The following DCK variants were observed in gnomAD, a reference collection of about 807,000 sequenced individuals.
DCK encodes the protein deoxyadenosine kinase.
DCK carries 23 observed loss-of-function variants against 38.3 expected under a neutral mutation model. The ratio of observed to expected loss-of-function variants is 0.60; its 90% CI spans 0.43 to 0.85. DCK has a LOEUF of 0.85. Ranked by LOEUF, DCK falls within the 40% of genes least tolerant of loss-of-function variation. The pLI, the probability that DCK is intolerant of heterozygous loss-of-function variation, is 0.00. For synonymous variants in DCK, 108 were observed against 100.6 expected (o/e 1.07, Z -0.44); for missense variants, 259 against 304.4 (o/e 0.85, Z 1.11).
At chr4:71,010,530 A>G (rs1740061785) in intron 2 of DCK, among the ~76,000 whole-genome samples, 2 of 150,204 alleles carry the variant, frequency 1.3e-5, no homozygotes, top group Non-Finnish European at 3.0e-5. Context: ...GAGGATCACT[A>G]TTATTGTGAA....
rs773299275 is a variant in DCK, at chr4:71,025,806, T to G, written c.550-10T>G. The G allele has an allele frequency of 6.3e-7, 1 of 1,583,168 alleles. No individual in the cohort carries two copies. Among genetic ancestry groups the G allele is most frequent in the Admixed American group, 1.9e-5 (1 of 53,046 alleles). Reference sequence around the variant, plus strand: ...GCCTTTTTCTTCCATCTCTTATTACTTGCTTTTAGACATGCTTACATAGAA... The same window carrying G: ...GCCTTTTTCTTCCATCTCTTATTACGTGCTTTTAGACATGCTTACATAGAA... On this transcript the variant is annotated splice_polypyrimidine_tract_variant and intron_variant, in intron 4 of 6. Coordinates refer to ENST00000286648, the MANE Select transcript of DCK (RefSeq NM_000788.3).
At chr4:71,017,718 G>A (rs978304449) in intron 2 of DCK, among the ~76,000 whole-genome samples, 3 of 144,632 alleles carry the variant, frequency 2.1e-5, no homozygotes, top group Non-Finnish European at 3.0e-5. Context: ...TCATAGGTGG[G>A]AATTGAACAA....
chr4:70,999,766 T>G lies in DCK; in HGVS notation c.207+1584T>G, dbSNP rs191359687. ...GTGGGTTTGGTTTGCATTTCTCTAA[T>G]GACTGGTGATGATGAGCTTTTTTTC... On this transcript the variant is annotated intron_variant, in intron 2 of 6. Coordinates refer to ENST00000286648, the MANE Select transcript of DCK (RefSeq NM_000788.3). Among the ~76,000 whole-genome samples the G allele has an allele frequency of 7.8e-4, 119 of 152,386 alleles. 1 individual carries two copies. The East Asian group carries it at 0.022, about 28-fold the overall frequency.
At chr4:71,021,763 G>T (rs1418723709) in intron 2 of DCK, among the ~76,000 whole-genome samples, 1 of 152,092 alleles carries the variant, frequency 6.6e-6, no homozygotes, top group African/African-American at 2.4e-5. Context: ...TGCACTTTGG[G>T]AGGCCAAGGC....
chr4:71,007,512 C>T (rs1337880673), intron 2 of DCK, among the ~76,000 whole-genome samples: 1 of 152,130 alleles, frequency 6.6e-6, no homozygotes, highest in Non-Finnish European at 1.5e-5. Flanking sequence ...AATAATTTTC[C>T]TGCTTCCTAA....
chr4:71,002,139 T>C (rs1739817543), intron 2 of DCK, among the ~76,000 whole-genome samples: 1 of 152,230 alleles, frequency 6.6e-6, no homozygotes, highest in Admixed American at 6.5e-5. Flanking sequence ...AACACTACTT[T>C]AGCTGTGTCC....
intron 2 of DCK, among the ~76,000 whole-genome samples, chr4:71,013,239 C>T (rs1275924601): frequency 6.6e-6 from 1 of 152,130 alleles, no homozygotes; most frequent in Non-Finnish European, 1.5e-5. Flanking sequence ...AACAAAACCT[C>T]CAAGAAATAT....
chr4:71,013,890 A>G lies in DCK; in HGVS notation c.208-8477A>G, dbSNP rs563932278. On this transcript the variant is annotated intron_variant, in intron 2 of 6. Transcript: ENST00000286648. ...AACCAGCTAACATCATAATGACAGGATCAAATTCACACATAACAATATTAA... is the reference window on the plus strand; with the variant it reads ...AACCAGCTAACATCATAATGACAGGGTCAAATTCACACATAACAATATTAA... 3.3e-5 allele frequency among the ~76,000 whole-genome samples: 5 copies of G among 152,338 alleles called. No homozygotes were observed. In the South Asian group the frequency reaches 8.3e-4, roughly 25 times the overall value.
intron 2 of DCK, among the ~76,000 whole-genome samples, chr4:71,015,922 G>T (rs1177367354): frequency 6.6e-6 from 1 of 152,186 alleles, no homozygotes; most frequent in African/African-American, 2.4e-5. Flanking sequence ...AGTGTTGGAA[G>T]TTCTGGCCAG....
At chr4:71,027,134 C>T (rs1354846665) in intron 6 of DCK, among the ~76,000 whole-genome samples, 1 of 152,022 alleles carries the variant, frequency 6.6e-6, no homozygotes, top group East Asian at 1.9e-4. Context: ...CTTCCCTACA[C>T]CACCAATCTT....
intron 2 of DCK, among the ~76,000 whole-genome samples, chr4:71,004,531 T>C (rs1739891407): frequency 6.6e-6 from 1 of 152,196 alleles, no homozygotes; most frequent in Non-Finnish European, 1.5e-5. Flanking sequence ...CAGGCAGGAT[T>C]GTTTAAGTCT....
At chr4:71,006,160 GA>G (rs1739937065) in intron 2 of DCK, 1 of 96,388 alleles carries the variant, frequency 1.0e-5, no homozygotes, top group Non-Finnish European at 2.1e-5. Context: ...AAGCAAATAA[GA>G]AAAAGAAAAA....
intron 2 of DCK, among the ~76,000 whole-genome samples, chr4:71,014,201 TACA>T (rs1740188560): frequency 1.3e-5 from 2 of 152,150 alleles, no homozygotes. Flanking sequence ...AAGGGATCAA[TACA>T]ACAACAAGAG....
chr4:71,000,706 G>C (rs377409987), intron 2 of DCK, among the ~76,000 whole-genome samples: 175 of 152,250 alleles, frequency 1.1e-3, no homozygotes, highest in Non-Finnish European at 1.9e-3. Flanking sequence ...TTGAGCAGTG[G>C]TTTGTAGTTC....
intron 6 of DCK, among the ~76,000 whole-genome samples, chr4:71,027,316 A>T (rs1746401146): frequency 6.6e-6 from 1 of 152,130 alleles, no homozygotes; most frequent in Non-Finnish European, 1.5e-5. Context: ...CATGTCAAGG[A>T]TTAATTGACA....
chr4:71,010,166 C>CTTTTTTTTT (rs367836620), intron 2 of DCK, among the ~76,000 whole-genome samples: 1 of 135,362 alleles, frequency 7.4e-6, no homozygotes. Context: ...GCTGTTTTAG[C>CTTTTTTTTT]TTTTTTTTTT....
At chr4:70,998,486 T>C (rs1257019296) in intron 2 of DCK, among the ~76,000 whole-genome samples, 3 of 152,160 alleles carry the variant, frequency 2.0e-5, no homozygotes, top group Admixed American at 6.5e-5. Context: ...TTATAAGTAA[T>C]CTAGAGATGA....
chr4:71,024,317 G>C (rs1300218098), intron 4 of DCK, among the ~76,000 whole-genome samples: 1 of 152,074 alleles, frequency 6.6e-6, no homozygotes, highest in Non-Finnish European at 1.5e-5. Context: ...TTTGTGATAG[G>C]TTGTAACATA....
intron 2 of DCK, among the ~76,000 whole-genome samples, chr4:71,016,456 A>G (rs1740263570): frequency 1.3e-5 from 2 of 152,200 alleles, no homozygotes; most frequent in Non-Finnish European, 2.9e-5. Context: ...AAGGAACCAA[A>G]AAAGAGCCCG....
Sources: gnomAD v4.1 joint callset for allele counts (sites outside exome capture counted in the v4.1 genomes callset) on GRCh38, gnomAD v4.1.1 for gene constraint, MANE v1.5 for transcripts, NCBI Gene and HGNC (gene_info 2026-07-23, HGNC 2026-07-21) for gene names.